MACF1: variants seen among roughly 807,000 people sequenced by gnomAD.
MACF1 encodes the protein microtubule actin crosslinking factor 1, also known as microtubule-actin cross-linking factor 1.
MACF1 carries 193 observed loss-of-function variants against 854.8 expected under a neutral mutation model. That is an observed-to-expected ratio of 0.23 (90% CI 0.20 to 0.25). The LOEUF (loss-of-function observed/expected upper bound fraction) is 0.25. Ranked by LOEUF, MACF1 falls within the 10% of genes least tolerant of loss-of-function variation. The pLI, the probability that MACF1 is intolerant of heterozygous loss-of-function variation, is 1.00. For missense variants in MACF1, 7,722 were observed against 8,929.1 expected (o/e 0.86, Z 5.45); for synonymous variants, 3,185 against 3,226.7 (o/e 0.99, Z 0.44).
chr1:39,198,656 CAA>C (rs539074566), intron 2 of MACF1, among the ~76,000 whole-genome samples: 19 of 75,824 alleles, frequency 2.5e-4, no homozygotes, highest in East Asian at 3.4e-4. Flanking sequence ...AACTCCGTCT[CAA>C]AAAAAAAAAA....
Position 39,204,746 on chromosome 1 carries a change from T to C in MACF1, c.-277T>C. The C allele has an allele frequency of 2.7e-6, 1 of 369,226 alleles. No individual in the cohort carries two copies. The highest frequency in any genetic ancestry group is 5.2e-5 in the East Asian group (1 of 19,236). 22.9% of individuals were successfully genotyped at this position (369,226 alleles called of 1,614,324 possible). ...CTTAGGCGCTCCTTTTCACTCTCCT[T>C]GTTCCTTCTTCCCTTTCCCCTCCCC... On this transcript the variant is annotated 5_prime_UTR_variant, in exon 1 of 101. Transcript: ENST00000564288.
rs557250796 is a variant in MACF1, at chr1:39,334,499, G to T, written c.7911G>T (p.Lys2637Asn). The change falls in exon 37 of 101, where the codon AAG becomes AAT. Residue 2637 changes from lysine to asparagine, a missense_variant. Physicochemically the swap from Lys to Asn is moderately conservative, Grantham distance 94. Coordinates refer to ENST00000564288, the MANE Select transcript of MACF1 (RefSeq NM_001394062.1). Reference sequence around the variant, plus strand: ...ACTCAGAATTAGTCAAGAAATGTAAGATTGATATTGAATCTGGACAGAGAT... The same window carrying T: ...ACTCAGAATTAGTCAAGAAATGTAATATTGATATTGAATCTGGACAGAGAT... The part of the protein sequence containing the change: ...VPYSELVKKC[K>N]IDIESGQRYL... 56 of 1,614,134 alleles carry T rather than the reference G, an allele frequency of 3.5e-5. No homozygotes were observed. In the South Asian group the frequency reaches 6.0e-4, roughly 17 times the overall value.
intron 23 of MACF1, among the ~76,000 whole-genome samples, chr1:39,306,681 G>A (rs1304761144): frequency 7.0e-6 from 1 of 143,056 alleles, no homozygotes; most frequent in Admixed American, 7.3e-5. Flanking sequence ...TCTGTGATAC[G>A]TGGACCCACT....
At chr1:39,108,193 GATA>G (rs1642296668) in intron 2 of MACF1, among the ~76,000 whole-genome samples, 1 of 152,118 alleles carries the variant, frequency 6.6e-6, no homozygotes, top group African/African-American at 2.4e-5. Context: ...GGAGGCATTA[GATA>G]ATAACACTGG....
intron 23 of MACF1, among the ~76,000 whole-genome samples, chr1:39,305,277 A>AAGT (rs149888723): frequency 3.0e-4 from 45 of 149,440 alleles, no homozygotes; most frequent in South Asian, 6.4e-4. Flanking sequence ...AAAAAAAAAA[A>AAGT]GTGTGTGTGT....
chr1:39,412,773 G>T, intron 58 of MACF1: 2 of 1,612,814 alleles, frequency 1.2e-6, no homozygotes, highest in Non-Finnish European at 1.7e-6. Context: ...GACCTTCCCG[G>T]ACTGCTGCAG....
chr1:39,188,203 C>G lies in MACF1; in HGVS notation c.221-42979C>G, dbSNP rs146347887. Among the ~76,000 whole-genome samples the G allele has an allele frequency of 5.2e-3, 788 of 151,992 alleles. 5 individuals are homozygous for G. Among genetic ancestry groups the G allele is most frequent in the African/African-American group, 0.018 (751 of 41,464 alleles). ...CTATAATCCCAGCACTTTGGGAGGC[C>G]GAGGCAGGTGGATTGCTTGAGCCCA... On this transcript the variant is annotated intron_variant, in intron 2 of 93. Transcript: ENST00000361689.
chr1:39,146,596 A>G (rs1012055231), intron 2 of MACF1, among the ~76,000 whole-genome samples: 2 of 152,240 alleles, frequency 1.3e-5, no homozygotes, highest in Non-Finnish European at 2.9e-5. Context: ...AGCCAGGCAC[A>G]GAATGACAAA....
At chr1:39,148,180 TTTAA>T (rs1197997039) in intron 2 of MACF1, among the ~76,000 whole-genome samples, 1 of 152,236 alleles carries the variant, frequency 6.6e-6, no homozygotes, top group Non-Finnish European at 1.5e-5. Context: ...CAGTTTTCTG[TTTAA>T]TTGTCAGCCT....
intron 97 of MACF1, among the ~76,000 whole-genome samples, chr1:39,475,756 T>C (rs989467822): frequency 7.9e-5 from 12 of 152,144 alleles, no homozygotes; most frequent in African/African-American, 2.9e-4. Flanking sequence ...TTGCTGGATA[T>C]AACTTCTGGC....
chr1:39,361,284 A>G (rs1648168230), intron 48 of MACF1, 76 bp from the exon 49 acceptor site: 3 of 1,404,024 alleles, frequency 2.1e-6, no homozygotes, highest in Non-Finnish European at 3.0e-6. Flanking sequence ...GTGAGATAGC[A>G]TATAGTTATT....
chr1:39,198,613 T>C (rs534261746), intron 2 of MACF1, among the ~76,000 whole-genome samples: 61 of 145,910 alleles, frequency 4.2e-4, no homozygotes, highest in African/African-American at 1.6e-3. Context: ...ATCACGCCAT[T>C]GCACTCCAGC....
At chr1:39,373,780 G>A (rs1278921815) in intron 52 of MACF1, among the ~76,000 whole-genome samples, 1 of 151,386 alleles carries the variant, frequency 6.6e-6, no homozygotes, top group East Asian at 1.9e-4. Flanking sequence ...TTGAACCCGG[G>A]AGGCAGAGGT....
At chr1:39,287,081 C>T (rs1323575150) in intron 14 of MACF1, among the ~76,000 whole-genome samples, 2 of 152,010 alleles carry the variant, frequency 1.3e-5, no homozygotes, top group Non-Finnish European at 2.9e-5. Flanking sequence ...CTACCTCAGC[C>T]TCCTGAGTAG....
At chr1:39,128,008 A>G (rs1351564083) in intron 2 of MACF1, among the ~76,000 whole-genome samples, 1 of 152,214 alleles carries the variant, frequency 6.6e-6, no homozygotes, top group East Asian at 1.9e-4. Context: ...TCTAGTCTTT[A>G]TTTTCTCCAC....
intron 56 of MACF1, among the ~76,000 whole-genome samples, chr1:39,383,448 T>G (rs1650417515): frequency 6.6e-6 from 1 of 152,234 alleles, no homozygotes; most frequent in South Asian, 2.1e-4. Context: ...TAACATTTAT[T>G]GTATTAAAAT....
At chr1:39,384,849 C>T (rs1394556538) in intron 56 of MACF1, among the ~76,000 whole-genome samples, 2 of 152,098 alleles carry the variant, frequency 1.3e-5, no homozygotes, top group Non-Finnish European at 2.9e-5. Flanking sequence ...ATTTCTCAGC[C>T]GTGTCTGGCC....
chr1:39,090,638 G>A (rs935185181), intron 2 of MACF1, among the ~76,000 whole-genome samples: 6 of 152,256 alleles, frequency 3.9e-5, no homozygotes, highest in African/African-American at 1.4e-4. Context: ...TGGAATGGCA[G>A]TTTGGCTCAT....
rs1296386146 is a variant in MACF1, at chr1:39,315,510, C to T, written c.3271-3C>T. The T allele has an allele frequency of 6.2e-7, 1 of 1,613,640 alleles. No individual in the cohort carries two copies. Reference sequence around the variant, plus strand: ...CTCTTTATGTGTGTCTTGTTCCTGGCAGCACACCCAGGAGGATTTACAGCA... The same window carrying T: ...CTCTTTATGTGTGTCTTGTTCCTGGTAGCACACCCAGGAGGATTTACAGCA... On this transcript the variant is annotated splice_polypyrimidine_tract_variant and splice_region_variant and intron_variant, in intron 26 of 100. Transcript: ENST00000564288.
Sources: allele counts gnomAD v4.1 joint callset (sites outside exome capture counted in the v4.1 genomes callset), GRCh38; gene constraint gnomAD v4.1.1; transcripts MANE v1.5; gene names NCBI Gene and HGNC (gene_info 2026-07-23, HGNC 2026-07-21).